PEX5L: variants seen among roughly 807,000 people sequenced by gnomAD.
PEX5L encodes PEX5-related protein.
A neutral mutation model predicts 84.0 loss-of-function variants in PEX5L; 30 were observed. That is an observed-to-expected ratio of 0.36 (90% CI 0.27 to 0.48). The LOEUF (loss-of-function observed/expected upper bound fraction) is 0.48. PEX5L is among the 20% of genes least tolerant of loss of function. The probability of loss-of-function intolerance (pLI) is 0.99; values close to 1 mark genes in which losing one functional copy is unlikely to be tolerated. For missense variants in PEX5L, 533 were observed against 754.6 expected (o/e 0.71, Z 3.44); for synonymous variants, 270 against 283.1 (o/e 0.95, Z 0.46).
At chr3:179,917,202 T>C (rs552404030) in intron 2 of PEX5L, among the ~76,000 whole-genome samples, 3 of 152,210 alleles carry the variant, frequency 2.0e-5, no homozygotes, top group African/African-American at 7.2e-5. Context: ...GTCACTCTCT[T>C]CCACCTCCAC....
At chr3:179,825,567 A>C (rs1730141787) in intron 8 of PEX5L, among the ~76,000 whole-genome samples, 1 of 151,950 alleles carries the variant, frequency 6.6e-6, no homozygotes, top group African/African-American at 2.4e-5. Flanking sequence ...TTCTCAATCT[A>C]AACAGTATAG....
chr3:179,868,668 T>C (rs1311104244), intron 7 of PEX5L, among the ~76,000 whole-genome samples: 1 of 152,126 alleles, frequency 6.6e-6, no homozygotes, highest in African/African-American at 2.4e-5. Context: ...CTGACACCTT[T>C]AAAGGACTGA....
In PEX5L at chr3:179,962,166, G is replaced by A. The variant is rs1027131917; in HGVS notation, c.93+9428C>T. 3.5e-5 allele frequency among the ~76,000 whole-genome samples: 3 copies of A among 86,772 alleles called. No homozygotes were observed. The Admixed American group carries it at 4.5e-4, about 13-fold the overall frequency. The allele number at this position is 86,772 out of a possible 152,430, so 56.9% of individuals were successfully genotyped here. ...TTTATAAAAATCTATCAGACAAATA[G>A]ACTTTTAGCTGTGCACTTGAAATAC... is the stretch of plus-strand genomic sequence containing the variant. On this transcript the variant is annotated intron_variant, in intron 2 of 14. Coordinates refer to ENST00000467460, the MANE Select transcript of PEX5L (RefSeq NM_016559.3).
chr3:179,892,406 T>C (rs147251421), intron 3 of PEX5L, among the ~76,000 whole-genome samples: 2 of 152,284 alleles, frequency 1.3e-5, no homozygotes, highest in African/African-American at 4.8e-5. Flanking sequence ...TGTCATACTC[T>C]TAGTTTTATC....
At chr3:180,032,473 G>A (rs1791548541) in intron 1 of PEX5L, among the ~76,000 whole-genome samples, 1 of 152,212 alleles carries the variant, frequency 6.6e-6, no homozygotes, top group Non-Finnish European at 1.5e-5. Flanking sequence ...GTGTATGTGT[G>A]TGCGTGCAGG....
intron 2 of PEX5L, among the ~76,000 whole-genome samples, chr3:179,955,104 A>G (rs1469219695): frequency 6.6e-6 from 1 of 152,132 alleles, no homozygotes; most frequent in East Asian, 1.9e-4. Context: ...TCTGACACAT[A>G]TATTTATTTT....
At chr3:179,944,592 A>G (rs1162230192) in intron 2 of PEX5L, among the ~76,000 whole-genome samples, 1 of 152,228 alleles carries the variant, frequency 6.6e-6, no homozygotes, top group South Asian at 2.1e-4. Context: ...AGTTCAATAA[A>G]TGTCTTTTTT....
At chr3:179,970,596 T>C (rs1203762332) in intron 2 of PEX5L, among the ~76,000 whole-genome samples, 1 of 152,164 alleles carries the variant, frequency 6.6e-6, no homozygotes, top group African/African-American at 2.4e-5. Context: ...GTTACCTCAG[T>C]TATTCCAAGA....
At chr3:180,004,723 C>T (rs1161796702) in intron 1 of PEX5L, among the ~76,000 whole-genome samples, 1 of 151,816 alleles carries the variant, frequency 6.6e-6, no homozygotes, top group Non-Finnish European at 1.5e-5. Context: ...CTGGGAGGGG[C>T]CCAGGAAGCT....
At chr3:179,824,534 C>T (rs547526078) in intron 8 of PEX5L, among the ~76,000 whole-genome samples, 19 of 152,008 alleles carry the variant, frequency 1.2e-4, no homozygotes, top group Admixed American at 2.0e-4. Context: ...GGAGAAACCC[C>T]GTCTGTACTA....
At chr3:179,831,051 C>T (rs925829837) in intron 8 of PEX5L, among the ~76,000 whole-genome samples, 9 of 152,298 alleles carry the variant, frequency 5.9e-5, no homozygotes, top group South Asian at 2.1e-4. Flanking sequence ...GGCACGGTGG[C>T]TCACGCCTGT....
intron 8 of PEX5L, among the ~76,000 whole-genome samples, chr3:179,842,418 G>C (rs557334542): frequency 1.1e-3 from 169 of 152,070 alleles, no homozygotes; most frequent in African/African-American, 4.0e-3. Flanking sequence ...AGCTAAAACA[G>C]GAAACTATTT....
intron 1 of PEX5L, among the ~76,000 whole-genome samples, chr3:179,989,255 GA>G (rs1787162658): frequency 6.6e-6 from 1 of 152,108 alleles, no homozygotes; most frequent in African/African-American, 2.4e-5. Context: ...GTATCACCAC[GA>G]TCTAGGAGAG....
intron 2 of PEX5L, among the ~76,000 whole-genome samples, chr3:179,932,914 C>A (rs574807918): frequency 1.3e-5 from 2 of 152,218 alleles, no homozygotes; most frequent in South Asian, 4.2e-4. Context: ...GAATACAATA[C>A]ATTGTTGTAA....
chr3:179,819,541 C>A (rs1456600639), intron 9 of PEX5L, among the ~76,000 whole-genome samples: 3 of 152,116 alleles, frequency 2.0e-5, no homozygotes, highest in African/African-American at 2.4e-5. Flanking sequence ...TGACATTAGA[C>A]CAATTCTTGT....
chr3:179,892,023 T>G (rs567086014), intron 3 of PEX5L, among the ~76,000 whole-genome samples: 3 of 152,298 alleles, frequency 2.0e-5, no homozygotes, highest in African/African-American at 7.2e-5. Context: ...TATTTTGTCT[T>G]TTGGGTATGG....
At chr3:179,875,272 T>C in intron 6 of PEX5L, 82 bp downstream of exon 6, 3 of 1,338,306 alleles carry the variant, frequency 2.2e-6, no homozygotes, top group Admixed American at 3.5e-5. Flanking sequence ...AGTATTTGGA[T>C]TGACTTAACT....
chr3:179,943,198 C>T (rs1553909291), intron 2 of PEX5L, among the ~76,000 whole-genome samples: 1 of 152,234 alleles, frequency 6.6e-6, no homozygotes, highest in Non-Finnish European at 1.5e-5. Context: ...TTCAAGCAAG[C>T]ATCTTTATAT....
intron 2 of PEX5L, among the ~76,000 whole-genome samples, chr3:179,943,455 A>G (rs1443737742): frequency 6.6e-6 from 1 of 152,276 alleles, no homozygotes; most frequent in Non-Finnish European, 1.5e-5. Context: ...TCATTTATCC[A>G]AAGTATTTAA....
Sources: allele counts gnomAD v4.1 joint callset (sites outside exome capture counted in the v4.1 genomes callset), GRCh38; gene constraint gnomAD v4.1.1; transcripts MANE v1.5; gene names NCBI Gene and HGNC (gene_info 2026-07-23, HGNC 2026-07-21).